XIRP2: variants seen among roughly 807,000 people sequenced by gnomAD.
XIRP2 encodes the protein xin actin-binding repeat-containing protein 2.
Under a neutral mutation model 277.0 loss-of-function variants are expected in XIRP2, and 236 were observed. The ratio of observed to expected loss-of-function variants is 0.85; its 90% confidence interval spans 0.77 to 0.95. XIRP2 has a LOEUF of 0.95. XIRP2 is among the 40% of genes least tolerant of loss of function. XIRP2 has a pLI of 0.00. For missense variants in XIRP2, 4,640 were observed against 4,157.5 expected, an observed-to-expected ratio of 1.12 and a Z score of -3.19; for synonymous variants, 1,490 against 1,416.5, an observed-to-expected ratio of 1.05 and a Z score of -1.17.
chr2:167,247,985 A>T lies in XIRP2; in HGVS notation c.6593A>T (p.Asp2198Val), dbSNP rs1403920368. The T allele has an allele frequency of 6.2e-7, 1 of 1,612,576 alleles. No homozygotes were observed. Among genetic ancestry groups the T allele is most frequent in the Non-Finnish European group, 8.5e-7 (1 of 1,179,444 alleles). The change falls in exon 9 of 11, where the codon GAT becomes GTT. Residue 2198 changes from aspartate to valine, a missense_variant. By Grantham distance (152) the Asp-to-Val change is radical (BLOSUM62 -3). Transcript: ENST00000409195. Reference sequence around the variant, plus strand: ...CAAGAAACAAAATATTCTAATAAGGATATAAAGAAAAAGAATATAAACCTT... The same window carrying T: ...CAAGAAACAAAATATTCTAATAAGGTTATAAAGAAAAAGAATATAAACCTT... ...LKQETKYSNKDIKKKNINLQP... is the reference protein window; with the variant it reads ...LKQETKYSNKVIKKKNINLQP...
chr2:166,939,876 C>T (rs1049544287), intron 2 of XIRP2, among the ~76,000 whole-genome samples: 18 of 152,200 alleles, frequency 1.2e-4, no homozygotes, highest in Middle Eastern at 3.4e-3. Flanking sequence ...GCCTGCCCTT[C>T]ACATTTTTTC....
intron 3 of XIRP2, among the ~76,000 whole-genome samples, chr2:167,188,264 C>T (rs747151978): frequency 1.3e-5 from 2 of 152,092 alleles, no homozygotes; most frequent in Non-Finnish European, 2.9e-5. Flanking sequence ...TTAATTTGGT[C>T]CTGTCGGGCC....
intron 2 of XIRP2, among the ~76,000 whole-genome samples, chr2:167,039,364 ACT>A (rs1008663530): frequency 1.3e-5 from 2 of 152,202 alleles, no homozygotes; most frequent in African/African-American, 4.8e-5. Context: ...CATGCCAGAC[ACT>A]CTGCTAGGCA....
intron 5 of XIRP2, among the ~76,000 whole-genome samples, chr2:167,220,703 T>G (rs764075158): frequency 2.0e-5 from 3 of 152,182 alleles, no homozygotes; most frequent in Non-Finnish European, 4.4e-5. Context: ...ATATACATGC[T>G]CCTTACATAT....
intron 3 of XIRP2, among the ~76,000 whole-genome samples, chr2:167,200,608 AT>A (rs1693653914): frequency 6.6e-6 from 1 of 152,218 alleles, no homozygotes; most frequent in Non-Finnish European, 1.5e-5. Context: ...TGTCATATAC[AT>A]TCATAAAACC....
chr2:167,058,256 T>C (rs1689088535), intron 2 of XIRP2, among the ~76,000 whole-genome samples: 1 of 151,792 alleles, frequency 6.6e-6, no homozygotes, highest in Non-Finnish European at 1.5e-5. Flanking sequence ...GTTTGTTTGT[T>C]TATTGTTGGT....
At chr2:167,082,128 A>T (rs1486471344) in intron 2 of XIRP2, among the ~76,000 whole-genome samples, 2 of 134,954 alleles carry the variant, frequency 1.5e-5, no homozygotes, top group Non-Finnish European at 3.1e-5. Context: ...CCAGAGTGTG[A>T]TATTCCCCTT....
At chr2:167,196,400 G>A (rs1693510538) in intron 3 of XIRP2, among the ~76,000 whole-genome samples, 1 of 141,420 alleles carries the variant, frequency 7.1e-6, no homozygotes, top group Admixed American at 7.3e-5. Context: ...ACATGGTTGG[G>A]TGTCAAGAAT....
chr2:166,923,686 A>G (rs1223675646), intron 2 of XIRP2, among the ~76,000 whole-genome samples: 1 of 152,056 alleles, frequency 6.6e-6, no homozygotes, highest in Non-Finnish European at 1.5e-5. Context: ...ACTTCCCCTT[A>G]AATACTTGCA....
At chr2:166,905,498 A>G (rs1684493420) in intron 2 of XIRP2, among the ~76,000 whole-genome samples, 1 of 151,994 alleles carries the variant, frequency 6.6e-6, no homozygotes, top group Admixed American at 6.6e-5. Context: ...TCTAGTAACT[A>G]TAAAAATAAT....
chr2:167,108,771 AT>A (rs1690672151), intron 2 of XIRP2, among the ~76,000 whole-genome samples: 1 of 151,392 alleles, frequency 6.6e-6, no homozygotes, highest in African/African-American at 2.4e-5. Context: ...CTTTAAATGT[AT>A]ACTCTTTAAA....
chr2:167,214,057 A>G (rs1694144234), intron 4 of XIRP2, among the ~76,000 whole-genome samples: 1 of 149,842 alleles, frequency 6.7e-6, no homozygotes, highest in Non-Finnish European at 1.5e-5. Context: ...CATGTCTACT[A>G]AAATACAAAA....
In XIRP2 at chr2:167,248,476, A is replaced by G. The variant is rs1178620894; in HGVS notation, c.7084A>G (p.Met2362Val). 1.2e-6 allele frequency: 2 copies of G among 1,613,600 alleles called. No individual in the cohort carries two copies. Among genetic ancestry groups the G allele is most frequent in the Non-Finnish European group, 8.5e-7 (1 of 1,179,736 alleles). Reference protein sequence around the residue: ...DEKSERESSSMFLPPPPPPTP... With the variant: ...DEKSERESSSVFLPPPPPPTP... ...GAAATCTGAAAGAGAAAGTTCATCG[A>G]TGTTTCTGCCGCCTCCTCCTCCTCC... Residue 2362 changes from methionine to valine, a missense_variant, in exon 9 of 11, where the codon ATG becomes GTG. Physicochemically the swap from Met to Val is conservative, Grantham distance 21. Coordinates refer to ENST00000409195, the MANE Select transcript of XIRP2 (RefSeq NM_152381.6).
At chr2:167,177,231 C>T (rs1286735528) in intron 3 of XIRP2, among the ~76,000 whole-genome samples, 1 of 152,200 alleles carries the variant, frequency 6.6e-6, no homozygotes, top group Non-Finnish European at 1.5e-5. Flanking sequence ...ATAATTGTCT[C>T]TAATCTCATA....
intron 2 of XIRP2, among the ~76,000 whole-genome samples, chr2:167,114,976 G>A (rs1220268473): frequency 6.6e-6 from 1 of 152,060 alleles, no homozygotes; most frequent in African/African-American, 2.4e-5. Context: ...GGGATGTCTG[G>A]GTCAAATGGT....
chr2:166,962,658 T>C (rs561696225), intron 2 of XIRP2, among the ~76,000 whole-genome samples: 2 of 151,932 alleles, frequency 1.3e-5, no homozygotes, highest in African/African-American at 4.8e-5. Context: ...TAATGCCTTG[T>C]TGAAGTTTAT....
intron 3 of XIRP2, among the ~76,000 whole-genome samples, chr2:167,200,864 G>C (rs934016174): frequency 6.6e-6 from 1 of 151,988 alleles, no homozygotes; most frequent in East Asian, 1.9e-4. Context: ...GGTGGCTCAC[G>C]CCTGCAACCC....
At chr2:167,077,257 T>C (rs985177534) in intron 2 of XIRP2, among the ~76,000 whole-genome samples, 4 of 152,212 alleles carry the variant, frequency 2.6e-5, no homozygotes, top group Non-Finnish European at 5.9e-5. Flanking sequence ...AGGTGAGCTT[T>C]GTCAGATTAC....
intron 2 of XIRP2, among the ~76,000 whole-genome samples, chr2:166,942,985 G>C (rs1685759864): frequency 6.6e-6 from 1 of 151,912 alleles, no homozygotes; most frequent in African/African-American, 2.4e-5. Context: ...TATTCCAGGA[G>C]AGATGAATAA....
Sources: allele counts gnomAD v4.1 joint callset (sites outside exome capture counted in the v4.1 genomes callset), GRCh38; gene constraint gnomAD v4.1.1; transcripts MANE v1.5; gene names NCBI Gene and HGNC (gene_info 2026-07-23, HGNC 2026-07-21).